Variants in MGAT5 observed in about 807,000 individuals in gnomAD.
The protein encoded by MGAT5 is alpha-1,6-mannosylglycoprotein 6-beta-N-acetylglucosaminyltransferase A.
A neutral mutation model predicts 94.3 loss-of-function variants in MGAT5; 30 were observed. The ratio of observed to expected loss-of-function variants is 0.32; its 90% CI spans 0.24 to 0.43. The LOEUF (loss-of-function observed/expected upper bound fraction) is 0.43. Among genes scored for constraint, MGAT5 ranks in the 20% least tolerant of loss-of-function variants. The pLI is 1.00. For synonymous variants in MGAT5, 310 were observed against 322.9 expected (o/e 0.96, Z 0.43); for missense variants, 691 against 905.5 (o/e 0.76, Z 3.04).
At chr2:134,439,535 A>G (rs1685357681) in intron 14 of MGAT5, among the ~76,000 whole-genome samples, 1 of 152,176 alleles carries the variant, frequency 6.6e-6, no homozygotes, top group East Asian at 1.9e-4. Context: ...CGTCTCTACT[A>G]AAAATACAAA....
At chr2:134,192,015 G>T (rs191381711) in intron 1 of MGAT5, among the ~76,000 whole-genome samples, 271 of 146,024 alleles carry the variant, frequency 1.9e-3, no homozygotes, top group Non-Finnish European at 2.8e-3. Context: ...TCCTCCTCGC[G>T]TGAGCGGGTT....
chr2:134,338,690 T>C (rs1055569570), intron 6 of MGAT5, among the ~76,000 whole-genome samples: 4 of 152,140 alleles, frequency 2.6e-5, no homozygotes, highest in Admixed American at 2.6e-4. Flanking sequence ...TGTCAGGGTA[T>C]CAGGAAACTT....
intron 1 of MGAT5, among the ~76,000 whole-genome samples, chr2:134,137,473 A>C (rs1481021879): frequency 6.6e-6 from 1 of 152,326 alleles, no homozygotes; most frequent in East Asian, 1.9e-4. Context: ...TGTCCACAGA[A>C]GAGCTTATTG....
rs1205154483 is a variant in MGAT5 at position 134,449,950 on chromosome 2, T to A, written c.*1103T>A. ...CTGGGGGAGTGGGGGCAGCTCAGGA[T>A]GAATGCAGTGCCCTGTCCTGGCTAC... On this transcript the variant is annotated 3_prime_UTR_variant, in exon 16 of 16. Coordinates refer to ENST00000281923, the MANE Select transcript of MGAT5 (RefSeq NM_002410.5). 1.3e-5 allele frequency: 2 copies of A among 152,312 alleles called. No homozygotes were observed. The highest frequency in any genetic ancestry group is 2.9e-5 in the Non-Finnish European group (2 of 68,212). The allele number at this position is 152,312 out of a possible 1,614,324, so 9.4% of individuals were successfully genotyped here. A position where few individuals can be genotyped will look rare whatever the true frequency, so the allele number is the denominator to read the frequency against.
intron 10 of MGAT5, among the ~76,000 whole-genome samples, chr2:134,387,322 ATATATATATATTTTTTT>A (rs1355637306): frequency 6.1e-5 from 3 of 48,952 alleles, no homozygotes; most frequent in African/African-American, 2.8e-4. Flanking sequence ...ATATATATAT[ATATATATATATTTTTTT>A]TTTTTTTTTT....
Position 134,262,794 on chromosome 2 carries a change from G to C in MGAT5, c.242-7592G>C, listed in dbSNP as rs1379722042. Among the ~76,000 whole-genome samples, 5 of 152,160 alleles carry C rather than the reference G, an allele frequency of 3.3e-5. 1 individual carries two copies. The highest frequency in any genetic ancestry group is 7.4e-5 in the Non-Finnish European group (5 of 68,024). ...TAACTGTTCATGTAGATCTGACGTTGTTCATTTGTTTGAACACAGGGCTTC... is the reference window on the plus strand; with the variant it reads ...TAACTGTTCATGTAGATCTGACGTTCTTCATTTGTTTGAACACAGGGCTTC... On this transcript the variant is annotated intron_variant, in intron 1 of 15. Coordinates refer to ENST00000281923, the MANE Select transcript of MGAT5 (RefSeq NM_002410.5).
At chr2:134,157,797 A>C (rs544271071) in intron 1 of MGAT5, among the ~76,000 whole-genome samples, 2 of 152,126 alleles carry the variant, frequency 1.3e-5, no homozygotes, top group Admixed American at 6.6e-5. Context: ...AGATTATCAT[A>C]AGGGGCACAC....
At chr2:134,193,011 T>C (rs1354574501) in intron 1 of MGAT5, among the ~76,000 whole-genome samples, 1 of 152,144 alleles carries the variant, frequency 6.6e-6, no homozygotes, top group East Asian at 1.9e-4. Context: ...ATTTAATAAA[T>C]TTTTTGTGAT....
At chr2:134,175,170 T>G (rs1688401035) in intron 1 of MGAT5, among the ~76,000 whole-genome samples, 1 of 152,222 alleles carries the variant, frequency 6.6e-6, no homozygotes, top group African/African-American at 2.4e-5. Flanking sequence ...AGGATTCTGG[T>G]TCATGGCAAG....
chr2:134,402,021 C>T (rs1484104836), intron 10 of MGAT5, among the ~76,000 whole-genome samples: 3 of 152,142 alleles, frequency 2.0e-5, no homozygotes, highest in Non-Finnish European at 2.9e-5. Context: ...AGTCACAAAA[C>T]CAGCTATTAT....
chr2:134,444,870 A>G (rs916786457), intron 15 of MGAT5, among the ~76,000 whole-genome samples: 1 of 152,162 alleles, frequency 6.6e-6, no homozygotes, highest in African/African-American at 2.4e-5. Flanking sequence ...TGAAGAGGCC[A>G]CCGCAGAGCA....
At chr2:134,272,160 C>A (rs553686642) in intron 2 of MGAT5, among the ~76,000 whole-genome samples, 1 of 152,270 alleles carries the variant, frequency 6.6e-6, no homozygotes, top group Non-Finnish European at 1.5e-5. Context: ...AGCACAGGGT[C>A]GTGGGTACAC....
intron 1 of MGAT5, among the ~76,000 whole-genome samples, chr2:134,207,136 GCTT>G (rs927290052): frequency 2.0e-5 from 3 of 152,072 alleles, no homozygotes; most frequent in Non-Finnish European, 4.4e-5. Context: ...TTCACTCATG[GCTT>G]CTTATGTCTT....
intron 15 of MGAT5, 138 bp from the exon 16 acceptor site, chr2:134,448,511 G>A: frequency 2.5e-6 from 2 of 788,060 alleles, no homozygotes; most frequent in South Asian, 3.1e-5. Flanking sequence ...GAAGAGGGTG[G>A]GCACCATTTC....
chr2:134,383,853 G>A (rs755213762), intron 10 of MGAT5, among the ~76,000 whole-genome samples: 1 of 151,912 alleles, frequency 6.6e-6, no homozygotes, highest in East Asian at 1.9e-4. Context: ...CTAATTTTTT[G>A]TATTTTTTAG....
At chr2:134,382,126 A>G (rs1308681432) in intron 10 of MGAT5, among the ~76,000 whole-genome samples, 4 of 152,058 alleles carry the variant, frequency 2.6e-5, no homozygotes, top group South Asian at 4.1e-4. Context: ...ACAGTGGCTC[A>G]CATCTGTAAT....
At chr2:134,217,512 A>T (rs1340077937) in intron 1 of MGAT5, among the ~76,000 whole-genome samples, 4 of 152,198 alleles carry the variant, frequency 2.6e-5, no homozygotes, top group African/African-American at 9.7e-5. Context: ...GCCACCGTCA[A>T]GAGGAAATAC....
Position 134,291,329 on chromosome 2 carries a change from G to T in MGAT5, c.406+20779G>T, listed in dbSNP as rs575191490. 2.0e-5 allele frequency among the ~76,000 whole-genome samples: 3 copies of T among 152,240 alleles called. No homozygotes were observed. In the South Asian group the frequency reaches 6.2e-4, roughly 32 times the overall value. On this transcript the variant is annotated intron_variant, in intron 2 of 15. Transcript: ENST00000281923. ...GAGCTTGTTTTTTCTCTCTGTTCTT[G>T]TCTGTGAGGATACAAGGAGAAGATA... is the stretch of plus-strand genomic sequence containing the variant.
rs537536563 is a variant in MGAT5 at position 134,435,264 on chromosome 2, C to T, written c.1870-6494C>T. Among the ~76,000 whole-genome samples, 4 of 152,346 alleles carry T rather than the reference C, an allele frequency of 2.6e-5. No homozygotes were observed. In the East Asian group the frequency reaches 5.8e-4, roughly 22 times the overall value. On this transcript the variant is annotated intron_variant, in intron 14 of 15. Transcript: ENST00000281923. ...TCACTTCTGACCCATAATATACACA[C>T]TCTACCAAGCTACCCAGAAGCGCCT...
Sources: gnomAD v4.1 joint callset for allele counts (sites outside exome capture counted in the v4.1 genomes callset) on GRCh38, gnomAD v4.1.1 for gene constraint, MANE v1.5 for transcripts, NCBI Gene and HGNC (gene_info 2026-07-23, HGNC 2026-07-21) for gene names.